CALCRL: variants seen among roughly 807,000 people sequenced by gnomAD.
CALCRL encodes the protein calcitonin gene-related peptide type 1 receptor.
Under a neutral mutation model 60.4 loss-of-function variants are expected in CALCRL, and 27 were observed. That is an observed-to-expected ratio of 0.45 (90% confidence interval 0.33 to 0.62). The LOEUF (loss-of-function observed/expected upper bound fraction) is 0.62, where lower values mean the gene tolerates loss of function less well. Among genes scored for constraint, CALCRL ranks in the 20% least tolerant of loss-of-function variants. The probability of loss-of-function intolerance (pLI) is 0.03; values close to 1 mark genes in which losing one functional copy is unlikely to be tolerated. For synonymous variants in CALCRL, 190 were observed against 182.6 expected, an observed-to-expected ratio of 1.04 and a Z score of -0.33; for missense variants, 424 against 540.7, an observed-to-expected ratio of 0.78 and a Z score of 2.14.
intron 14 of CALCRL, among the ~76,000 whole-genome samples, chr2:187,347,518 T>A (rs970619543): frequency 6.6e-6 from 1 of 151,864 alleles, no homozygotes; most frequent in Non-Finnish European, 1.5e-5. Flanking sequence ...CTACTACTTA[T>A]ATAGAATTCC....
At chr2:187,374,912 A>G (rs184504868) in intron 8 of CALCRL, among the ~76,000 whole-genome samples, 21 of 152,242 alleles carry the variant, frequency 1.4e-4, no homozygotes, top group Non-Finnish European at 2.6e-4. Flanking sequence ...AGTCCATACT[A>G]TTAGCAAGTA....
rs1691048969 is a variant in CALCRL at position 187,444,001 on chromosome 2, C to A, written c.-293+4038G>T. Among the ~76,000 whole-genome samples the A allele has an allele frequency of 2.6e-5, 4 of 151,604 alleles. No individual in the cohort carries two copies. In the South Asian group the frequency reaches 8.3e-4, roughly 31 times the overall value. ...CTTCATTTTGGTTAATAAAACCAAA[C>A]CTGTGTGCTCACGAATATGCTATTG... On this transcript the variant is annotated intron_variant, in intron 1 of 14. Coordinates refer to ENST00000392370, the MANE Select transcript of CALCRL (RefSeq NM_005795.6).
intron 4 of CALCRL, among the ~76,000 whole-genome samples, chr2:187,383,608 T>G (rs1272800840): frequency 6.6e-6 from 1 of 152,290 alleles, no homozygotes; most frequent in East Asian, 1.9e-4. Context: ...TGTTTTGGAA[T>G]GTAGACAGAG....
intron 1 of CALCRL, among the ~76,000 whole-genome samples, chr2:187,401,237 A>G (rs540643793): frequency 6.6e-6 from 1 of 151,604 alleles, no homozygotes; most frequent in Non-Finnish European, 1.5e-5. Context: ...CTTAATGCTG[A>G]TCATTTAGTC....
At chr2:187,393,857 AT>A (rs1180729912) in intron 1 of CALCRL, among the ~76,000 whole-genome samples, 2 of 151,992 alleles carry the variant, frequency 1.3e-5, no homozygotes, top group Non-Finnish European at 2.9e-5. Flanking sequence ...TTCCCAGGTG[AT>A]TTTAATATAT....
chr2:187,348,932 A>G (rs1418752676), intron 14 of CALCRL, among the ~76,000 whole-genome samples: 1 of 151,710 alleles, frequency 6.6e-6, no homozygotes, highest in Non-Finnish European at 1.5e-5. Flanking sequence ...TTATTGTTTT[A>G]TGCATGACCA....
chr2:187,400,239 A>G (rs1688833358), intron 1 of CALCRL, among the ~76,000 whole-genome samples: 1 of 151,364 alleles, frequency 6.6e-6, no homozygotes, highest in South Asian at 2.1e-4. Flanking sequence ...AAAAAAATTG[A>G]TGGGCAAAGG....
At chr2:187,404,504 A>AT (rs954080668) in intron 1 of CALCRL, among the ~76,000 whole-genome samples, 5,496 of 145,302 alleles carry the variant, frequency 0.038, 163 homozygotes, top group African/African-American at 0.081. Flanking sequence ...ACTTTTATTT[A>AT]TTTTTTTTTT....
At chr2:187,363,348 AC>A (rs765676462) in intron 9 of CALCRL, 27 bp downstream of exon 9, 2 of 1,597,502 alleles carry the variant, frequency 1.3e-6, no homozygotes, top group Non-Finnish European at 8.5e-7. Flanking sequence ...AGGCCCTTGA[AC>A]CAAGGGCACA....
intron 1 of CALCRL, among the ~76,000 whole-genome samples, chr2:187,422,320 C>T (rs887150670): frequency 1.3e-5 from 2 of 152,166 alleles, no homozygotes; most frequent in Non-Finnish European, 2.9e-5. Context: ...CTCGATGTCT[C>T]TAATAACAAG....
At chr2:187,365,556 T>C (rs1217640761) in intron 8 of CALCRL, among the ~76,000 whole-genome samples, 2 of 152,210 alleles carry the variant, frequency 1.3e-5, no homozygotes, top group Non-Finnish European at 2.9e-5. Context: ...GTCCATTGGC[T>C]AAGTCCATAT....
chr2:187,441,569 T>C (rs1303738255), intron 1 of CALCRL, among the ~76,000 whole-genome samples: 3 of 151,980 alleles, frequency 2.0e-5, no homozygotes, highest in African/African-American at 4.8e-5. Flanking sequence ...GAGGTACTTC[T>C]ATGGACCATA....
intron 7 of CALCRL, among the ~76,000 whole-genome samples, chr2:187,379,550 C>G (rs1387290703): frequency 6.6e-6 from 1 of 152,070 alleles, no homozygotes; most frequent in African/African-American, 2.4e-5. Flanking sequence ...TCATGGTTTT[C>G]ACTTTTTTAT....
At chr2:187,391,305 C>A (rs1049828695) in intron 1 of CALCRL, among the ~76,000 whole-genome samples, 2 of 152,144 alleles carry the variant, frequency 1.3e-5, no homozygotes, top group African/African-American at 4.8e-5. Flanking sequence ...AGCTGTTAAG[C>A]AAATCATTTT....
At chr2:187,418,936 A>C (rs1457410446) in intron 1 of CALCRL, among the ~76,000 whole-genome samples, 7 of 144,586 alleles carry the variant, frequency 4.8e-5, no homozygotes, top group Non-Finnish European at 9.0e-5. Flanking sequence ...GCTCACTGCA[A>C]CCTCCGCCTC....
At chr2:187,444,886 A>T (rs946971497) in intron 1 of CALCRL, among the ~76,000 whole-genome samples, 2 of 151,592 alleles carry the variant, frequency 1.3e-5, no homozygotes, top group Non-Finnish European at 3.0e-5. Context: ...AATATATGGG[A>T]AAAGGATAGA....
chr2:187,363,583 A>G (rs1687152231), intron 8 of CALCRL, 81 bp from the exon 9 acceptor site: 1 of 1,322,748 alleles, frequency 7.6e-7, no homozygotes, highest in Non-Finnish European at 1.0e-6. Context: ...TACATTCCCA[A>G]TTCATAGCAG....
chr2:187,441,698 A>T (rs1690913019), intron 1 of CALCRL, among the ~76,000 whole-genome samples: 1 of 152,008 alleles, frequency 6.6e-6, no homozygotes, highest in South Asian at 2.1e-4. Context: ...CCTTCCCCCA[A>T]ATGAAATATA....
At chr2:187,382,051 G>C (rs539660022) in intron 5 of CALCRL, among the ~76,000 whole-genome samples, 2 of 152,174 alleles carry the variant, frequency 1.3e-5, no homozygotes, top group East Asian at 3.9e-4. Flanking sequence ...AAAATTTCTT[G>C]ATGTAGTTTT....
Sources: allele counts gnomAD v4.1 joint callset (sites outside exome capture counted in the v4.1 genomes callset), GRCh38; gene constraint gnomAD v4.1.1; transcripts MANE v1.5; gene names NCBI Gene and HGNC (gene_info 2026-07-23, HGNC 2026-07-21).